Variants in PTPRD observed in about 807,000 individuals in gnomAD.
PTPRD encodes receptor-type tyrosine-protein phosphatase delta.
In PTPRD, 34 loss-of-function variants were observed where a neutral mutation model predicts 214.5. That is an observed-to-expected ratio of 0.16 (90% CI 0.12 to 0.21). The LOEUF (loss-of-function observed/expected upper bound fraction) is 0.21, where lower values mean the gene tolerates loss of function less well. Among genes scored for constraint, PTPRD ranks in the 10% least tolerant of loss-of-function variants. PTPRD has a pLI of 1.00. For missense variants in PTPRD, 2,545 were observed against 2,398.7 expected, an observed-to-expected ratio of 1.06 and a Z score of -1.27; for synonymous variants, 1,128 against 845.7, an observed-to-expected ratio of 1.33 and a Z score of -5.79.
chr9:10,511,903 CATATATATATACGTGT>C (rs1566638885), intron 2 of PTPRD, among the ~76,000 whole-genome samples: 10 of 112,438 alleles, frequency 8.9e-5, no homozygotes, highest in East Asian at 2.5e-4. Flanking sequence ...CATATATATA[CATATATATATACGTGT>C]ATATATATAT....
At chr9:8,723,472 C>G (rs1364089809) in intron 12 of PTPRD, among the ~76,000 whole-genome samples, 1 of 152,196 alleles carries the variant, frequency 6.6e-6, no homozygotes, top group African/African-American at 2.4e-5. Flanking sequence ...TCTTGCTGCA[C>G]TGCTCCTTTC....
At chr9:9,058,535 G>A (rs1214029643) in intron 10 of PTPRD, among the ~76,000 whole-genome samples, 4 of 126,934 alleles carry the variant, frequency 3.2e-5, no homozygotes, top group Non-Finnish European at 6.3e-5. Context: ...TGCAGCCTCC[G>A]CCCCCTGGGG....
chr9:10,123,212 G>T (rs999028736), intron 3 of PTPRD, among the ~76,000 whole-genome samples: 1 of 152,210 alleles, frequency 6.6e-6, no homozygotes, highest in Admixed American at 6.5e-5. Flanking sequence ...AGCTACATAG[G>T]TGCTCCTTCC....
intron 5 of PTPRD, among the ~76,000 whole-genome samples, chr9:9,865,361 C>G (rs774398595): frequency 2.0e-5 from 3 of 152,130 alleles, no homozygotes; most frequent in Non-Finnish European, 4.4e-5. Context: ...TTAATCTATT[C>G]CCAGATTAAT....
At chr9:8,997,725 GA>G (rs2099402393) in intron 11 of PTPRD, among the ~76,000 whole-genome samples, 1 of 152,104 alleles carries the variant, frequency 6.6e-6, no homozygotes, top group South Asian at 2.1e-4. Context: ...GCTTGATGAG[GA>G]AGGAATGTGA....
intron 3 of PTPRD, among the ~76,000 whole-genome samples, chr9:10,071,699 A>G (rs968857959): frequency 6.6e-6 from 1 of 152,020 alleles, no homozygotes; most frequent in Non-Finnish European, 1.5e-5. Context: ...ACATGAGAAA[A>G]ATTTATGTGA....
chr9:8,776,915 T>C (rs1274980185), intron 11 of PTPRD, among the ~76,000 whole-genome samples: 2 of 147,208 alleles, frequency 1.4e-5, no homozygotes, highest in East Asian at 3.9e-4. Flanking sequence ...GTATAATATA[T>C]GTATAATATA....
Position 8,500,795 on chromosome 9 carries a change from C to T in PTPRD, c.2087G>A (p.Gly696Asp), listed in dbSNP as rs1172789699. 1 of 1,614,110 alleles carries T rather than the reference C, an allele frequency of 6.2e-7. No individual in the cohort carries two copies. Among genetic ancestry groups the T allele is most frequent in the Non-Finnish European group, 8.5e-7 (1 of 1,180,006 alleles). ...AATCAACACGGACAAGCTCTCAGGGCCAGGGCCGACATCTGTATGGGCTGT... is the reference window on the plus strand; with the variant it reads ...AATCAACACGGACAAGCTCTCAGGGTCAGGGCCGACATCTGTATGGGCTGT... ...TVTAHTDVGP[G>D]PESLSVLIRT... Residue 696 changes from glycine to aspartate, a missense_variant, in exon 24 of 46, where the codon GGC (glycine) becomes GAC (aspartate). Coordinates refer to ENST00000381196, the MANE Select transcript of PTPRD (RefSeq NM_002839.4).
chr9:10,352,756 T>C (rs558867606), intron 2 of PTPRD, among the ~76,000 whole-genome samples: 3 of 152,144 alleles, frequency 2.0e-5, no homozygotes, highest in African/African-American at 7.2e-5. Context: ...CTCACTATAA[T>C]ATTTAAATCT....
At chr9:8,833,711 TATATACACACAC>T (rs1351664354) in intron 11 of PTPRD, among the ~76,000 whole-genome samples, 168 of 137,570 alleles carry the variant, frequency 1.2e-3, no homozygotes, top group African/African-American at 4.4e-3. Flanking sequence ...TATATATATA[TATATACACACAC>T]ACACACACAC....
At chr9:8,956,194 G>A (rs1311720388) in intron 11 of PTPRD, among the ~76,000 whole-genome samples, 1 of 151,736 alleles carries the variant, frequency 6.6e-6, no homozygotes, top group Non-Finnish European at 1.5e-5. Flanking sequence ...TAAAACTCTT[G>A]ATTAGAAATA....
chr9:9,239,841 C>G (rs1435700231), intron 9 of PTPRD, among the ~76,000 whole-genome samples: 1 of 152,098 alleles, frequency 6.6e-6, no homozygotes, highest in East Asian at 1.9e-4. Context: ...GTGCTCTATC[C>G]CTGGTATGTG....
rs186094955 is a variant in PTPRD, at chr9:9,533,204, T to C, written c.-237+41528A>G. ...TTCTTCATTTCTTTAGCCCAAACAGTCCATAGATATCAAACCTGCTGGCAA... is the reference window on the plus strand; with the variant it reads ...TTCTTCATTTCTTTAGCCCAAACAGCCCATAGATATCAAACCTGCTGGCAA... On this transcript the variant is annotated intron_variant, in intron 8 of 45. Transcript: ENST00000381196. Among the ~76,000 whole-genome samples the C allele has an allele frequency of 3.2e-3, 493 of 152,256 alleles. 4 individuals are homozygous for C. The highest frequency in any genetic ancestry group is 0.011 in the African/African-American group (466 of 41,558).
chr9:10,607,587 G>C (rs950493832), intron 2 of PTPRD, among the ~76,000 whole-genome samples: 1 of 151,886 alleles, frequency 6.6e-6, no homozygotes, highest in East Asian at 1.9e-4. Flanking sequence ...CCAGACTTCA[G>C]TGATTTAAAA....
intron 4 of PTPRD, among the ~76,000 whole-genome samples, chr9:9,946,641 C>T (rs1451902226): frequency 6.9e-6 from 1 of 145,282 alleles, no homozygotes; most frequent in Non-Finnish European, 1.5e-5. Flanking sequence ...CTCCCCCAAC[C>T]CTCCTGCATC....
At chr9:8,958,760 G>A (rs2099144429) in intron 11 of PTPRD, 1 of 151,868 alleles carries the variant, frequency 6.6e-6, no homozygotes, top group African/African-American at 2.4e-5. Context: ...ATTTCTCACT[G>A]GACATGCCTG....
At chr9:9,230,427 T>A (rs1671396035) in intron 9 of PTPRD, among the ~76,000 whole-genome samples, 1 of 152,094 alleles carries the variant, frequency 6.6e-6, no homozygotes, top group South Asian at 2.1e-4. Flanking sequence ...AAGTACAGTG[T>A]TTCCCTGAGA....
chr9:10,132,574 T>A (rs2098902668), intron 3 of PTPRD, among the ~76,000 whole-genome samples: 1 of 151,778 alleles, frequency 6.6e-6, no homozygotes, highest in Non-Finnish European at 1.5e-5. Flanking sequence ...ATACTTGGAG[T>A]GGAAATTATT....
intron 5 of PTPRD, among the ~76,000 whole-genome samples, chr9:9,834,812 T>C (rs904769708): frequency 6.6e-6 from 1 of 152,082 alleles, no homozygotes; most frequent in Admixed American, 6.6e-5. Flanking sequence ...AGAGGGACAC[T>C]AGATTAGCAT....
Sources: gnomAD v4.1 joint callset for allele counts (sites outside exome capture counted in the v4.1 genomes callset) on GRCh38, gnomAD v4.1.1 for gene constraint, MANE v1.5 for transcripts, NCBI Gene and HGNC (gene_info 2026-07-23, HGNC 2026-07-21) for gene names.